Variants in MEMO1 observed in about 807,000 individuals in gnomAD.
The protein encoded by MEMO1 is mediator of cell motility 1.
Under a neutral mutation model 45.2 loss-of-function variants are expected in MEMO1, and 6 were observed. The ratio of observed to expected loss-of-function variants is 0.13; its 90% CI spans 0.07 to 0.26. The LOEUF (loss-of-function observed/expected upper bound fraction) is 0.26, where lower values mean the gene tolerates loss of function less well. Ranked by LOEUF, MEMO1 falls within the 10% of genes least tolerant of loss-of-function variation. MEMO1 has a pLI of 1.00. For missense variants in MEMO1, 184 were observed against 370.5 expected (o/e 0.50, Z 4.13); for synonymous variants, 78 against 124.3 (o/e 0.63, Z 2.48).
intron 2 of MEMO1, among the ~76,000 whole-genome samples, chr2:32,005,780 A>C (rs1056531793): frequency 6.6e-6 from 1 of 152,228 alleles, no homozygotes; most frequent in Admixed American, 6.5e-5. Flanking sequence ...CATTCAGTTA[A>C]ATACTTATTG....
At chr2:32,006,568 C>T in intron 2 of MEMO1, among the ~76,000 whole-genome samples, 1 of 148,714 alleles carries the variant, frequency 6.7e-6, no homozygotes, top group African/African-American at 2.5e-5. Context: ...TATTAACAAC[C>T]ATTCTTAGCT....
intron 2 of MEMO1, among the ~76,000 whole-genome samples, chr2:31,947,584 T>C (rs1450649856): frequency 6.6e-6 from 1 of 152,174 alleles, no homozygotes; most frequent in African/African-American, 2.4e-5. Flanking sequence ...CAAAACTACT[T>C]AATGTTTGTG....
At chr2:31,879,797 C>A (rs1176777983) in intron 8 of MEMO1, among the ~76,000 whole-genome samples, 1 of 152,152 alleles carries the variant, frequency 6.6e-6, no homozygotes. Context: ...TCAATAAATA[C>A]ATGTGACTGG....
chr2:31,993,643 G>A (rs1326363108), intron 2 of MEMO1, among the ~76,000 whole-genome samples: 1 of 152,150 alleles, frequency 6.6e-6, no homozygotes, highest in Admixed American at 6.5e-5. Flanking sequence ...ACCACAACCT[G>A]CCCACGCACA....
At chr2:31,958,684 C>T (rs1157778207) in intron 2 of MEMO1, among the ~76,000 whole-genome samples, 2 of 152,152 alleles carry the variant, frequency 1.3e-5, no homozygotes, top group African/African-American at 4.8e-5. Flanking sequence ...CAAGCTCTGG[C>T]TCTATCACCC....
chr2:31,874,421 C>G (rs1412062017), intron 8 of MEMO1, among the ~76,000 whole-genome samples: 1 of 151,968 alleles, frequency 6.6e-6, no homozygotes. Context: ...CAACTACATT[C>G]GGTAGTTTGT....
chr2:31,871,458 A>C (rs1212702907), intron 8 of MEMO1, among the ~76,000 whole-genome samples: 4 of 151,946 alleles, frequency 2.6e-5, no homozygotes, highest in Admixed American at 2.6e-4. Context: ...TTCCTTCAGA[A>C]TATTCGACTC....
chr2:31,877,647 T>C (rs1167478689), intron 8 of MEMO1, among the ~76,000 whole-genome samples: 1 of 152,232 alleles, frequency 6.6e-6, no homozygotes, highest in Non-Finnish European at 1.5e-5. Context: ...ATCAAGTCAC[T>C]AGCAATGGCA....
chr2:31,914,484 AAG>A (rs1036918240), intron 6 of MEMO1, among the ~76,000 whole-genome samples: 3 of 152,180 alleles, frequency 2.0e-5, no homozygotes, highest in Non-Finnish European at 4.4e-5. Context: ...AAGTAACTAA[AAG>A]AATATAACTG....
At chr2:31,897,897 G>A (rs1572607267) in intron 6 of MEMO1, among the ~76,000 whole-genome samples, 1 of 152,034 alleles carries the variant, frequency 6.6e-6, no homozygotes, top group Admixed American at 6.6e-5. Flanking sequence ...TTTAGAACTG[G>A]TTATTGGTCT....
At chr2:31,908,365 G>GT (rs1680064390) in intron 6 of MEMO1, among the ~76,000 whole-genome samples, 1 of 151,324 alleles carries the variant, frequency 6.6e-6, no homozygotes, top group Non-Finnish European at 1.5e-5. Flanking sequence ...TATGGTGAGA[G>GT]TAAAAAAAAC....
intron 5 of MEMO1, 30 bp from the exon 6 acceptor site, chr2:31,918,067 A>T: frequency 6.8e-7 from 1 of 1,476,856 alleles, no homozygotes; most frequent in South Asian, 1.2e-5. Context: ...CAGTAAAATA[A>T]ATATATTAAT....
chr2:32,002,144 C>CAAAA (rs1156408005), intron 2 of MEMO1, among the ~76,000 whole-genome samples: 86 of 55,674 alleles, frequency 1.5e-3, no homozygotes, highest in South Asian at 8.6e-3. Flanking sequence ...GACTCTGTCT[C>CAAAA]AAAAAAAAAA....
intron 8 of MEMO1, among the ~76,000 whole-genome samples, chr2:31,880,843 A>C (rs1675249172): frequency 6.6e-6 from 1 of 152,090 alleles, no homozygotes; most frequent in Admixed American, 6.6e-5. Flanking sequence ...ACATGGCGAA[A>C]CCCCATCTCT....
chr2:31,920,500 T>C (rs1294738140), intron 5 of MEMO1, among the ~76,000 whole-genome samples: 1 of 152,176 alleles, frequency 6.6e-6, no homozygotes, highest in African/African-American at 2.4e-5. Context: ...GTATGGGTAC[T>C]AATTTTTTGT....
intron 2 of MEMO1, among the ~76,000 whole-genome samples, chr2:31,990,286 A>G (rs912551422): frequency 9.2e-5 from 14 of 152,206 alleles, no homozygotes; most frequent in Non-Finnish European, 2.1e-4. Context: ...TTGCAAAACT[A>G]TAACAAATGC....
intron 7 of MEMO1, among the ~76,000 whole-genome samples, chr2:31,886,652 T>C: frequency 6.6e-6 from 1 of 152,314 alleles, no homozygotes; most frequent in East Asian, 1.9e-4. Flanking sequence ...TATAAGTTTT[T>C]GTGTTTCTGA....
chr2:31,875,938 C>T (rs1468908460), intron 8 of MEMO1, among the ~76,000 whole-genome samples: 2 of 152,084 alleles, frequency 1.3e-5, no homozygotes, highest in Non-Finnish European at 1.5e-5. Flanking sequence ...CTGCTCGCCT[C>T]GGCCCCCCAA....
chr2:31,894,691 C>A (rs755941339), intron 6 of MEMO1, among the ~76,000 whole-genome samples: 46 of 152,264 alleles, frequency 3.0e-4, no homozygotes, highest in Non-Finnish European at 5.0e-4. Flanking sequence ...ACCTAGCTCT[C>A]CACACACGCC....
Sources: gnomAD v4.1 joint callset for allele counts (sites outside exome capture counted in the v4.1 genomes callset) on GRCh38, gnomAD v4.1.1 for gene constraint, MANE v1.5 for transcripts, NCBI Gene and HGNC (gene_info 2026-07-23, HGNC 2026-07-21) for gene names.